Variants in ASIP observed in about 807,000 individuals in gnomAD.
The protein encoded by ASIP is agouti signaling protein.
ASIP carries 11 observed loss-of-function variants against 10.3 expected under a neutral mutation model. The observed-to-expected ratio is 1.07, with a 90% CI of 0.68 to 1.78. The LOEUF (loss-of-function observed/expected upper bound fraction) is 1.78, where lower values mean the gene tolerates loss of function less well. Among genes scored for constraint, ASIP ranks in the 40% most tolerant of loss-of-function variants. ASIP has a pLI of 0.00. For missense variants in ASIP, 180 were observed against 169.2 expected, an observed-to-expected ratio of 1.06 and a Z score of -0.35; for synonymous variants, 70 against 70.8, an observed-to-expected ratio of 0.99 and a Z score of 0.06.
At chr20:34,256,394 G>T (rs1041031708) in intron 1 of ASIP, among the ~76,000 whole-genome samples, 1 of 152,052 alleles carries the variant, frequency 6.6e-6, no homozygotes, top group Non-Finnish European at 1.5e-5. Context: ...TTATTTCTAC[G>T]ATCTCTCGTC....
chr20:34,232,156 A>G (rs1477165425), intron 1 of ASIP, among the ~76,000 whole-genome samples: 1 of 152,220 alleles, frequency 6.6e-6, no homozygotes, highest in Non-Finnish European at 1.5e-5. Flanking sequence ...CCCACATTTT[A>G]TAGAAAGCAG....
chr20:34,235,862 AAGGAAAGG>A (rs879719456), intron 1 of ASIP, among the ~76,000 whole-genome samples: 8,245 of 54,186 alleles, frequency 0.15, 1,129 homozygotes, highest in African/African-American at 0.21. Context: ...GGAAGGAAGG[AAGGAAAGG>A]AAGGAAGGAA....
intron 1 of ASIP, among the ~76,000 whole-genome samples, chr20:34,232,894 A>G (rs2035131514): frequency 6.6e-6 from 1 of 152,190 alleles, no homozygotes; most frequent in South Asian, 2.1e-4. Context: ...CAAACAAACC[A>G]TGTAACTATT....
At position 34,241,455 on chromosome 20, in the gene ASIP, A is replaced by T. The variant is rs1220432009; in HGVS notation, c.-45A>T. ...CTCTACAGCTGCAAGGTGAAAAAGG[A>T]AGTTCCTTGGCCTGGGCTCTTTGCG... On this transcript the variant is annotated 5_prime_UTR_variant, in exon 1 of 4. Coordinates refer to ENST00000374954, the MANE Select transcript of ASIP (RefSeq NM_001672.3). 2.0e-6 allele frequency: 2 copies of T among 985,346 alleles called. No homozygotes were observed. Among genetic ancestry groups the T allele is most frequent in the Non-Finnish European group, 2.4e-6 (2 of 829,944 alleles). The allele number at this position is 985,346 out of a possible 1,614,324, so 61.0% of individuals were successfully genotyped here.
At chr20:34,266,298 C>A (rs190829875) in intron 3 of ASIP, among the ~76,000 whole-genome samples, 2 of 150,240 alleles carry the variant, frequency 1.3e-5, no homozygotes, top group Middle Eastern at 3.7e-3. Flanking sequence ...TACAGTGAGC[C>A]GAGACCGTGC....
At chr20:34,216,568 TGTAG>T (rs1286535280) in intron 1 of ASIP, among the ~76,000 whole-genome samples, 1 of 152,268 alleles carries the variant, frequency 6.6e-6, no homozygotes, top group East Asian at 1.9e-4. Context: ...TAGTTTTTAA[TGTAG>T]GTCTATGATC....
At chr20:34,263,332 A>C (rs2035727905) in intron 3 of ASIP, among the ~76,000 whole-genome samples, 2 of 152,366 alleles carry the variant, frequency 1.3e-5, no homozygotes, top group African/African-American at 4.8e-5. Flanking sequence ...TGGGAGGCCA[A>C]GGTGGGTGAA....
At chr20:34,245,915 C>G (rs2035367317) in intron 1 of ASIP, 2 of 1,480,346 alleles carry the variant, frequency 1.4e-6, no homozygotes, top group Non-Finnish European at 1.8e-6. Context: ...CATATCAACT[C>G]TCAGTTCAGG....
intron 1 of ASIP, among the ~76,000 whole-genome samples, chr20:34,252,458 A>G (rs2122635899): frequency 6.6e-6 from 1 of 152,314 alleles, no homozygotes; most frequent in Admixed American, 6.5e-5. Flanking sequence ...TTCTTTACCC[A>G]AACATCTCAG....
intron 1 of ASIP, among the ~76,000 whole-genome samples, chr20:34,232,895 T>C (rs935953895): frequency 6.6e-6 from 1 of 152,108 alleles, no homozygotes; most frequent in Non-Finnish European, 1.5e-5. Context: ...AAACAAACCA[T>C]GTAACTATTT....
chr20:34,240,327 G>A (rs2035267974), upstream of ASIP, among the ~76,000 whole-genome samples: 1 of 152,160 alleles, frequency 6.6e-6, no homozygotes, highest in Admixed American at 6.5e-5. Flanking sequence ...AGCAGGTGCT[G>A]TGCCCCAAGT....
At chr20:34,253,386 G>A (rs1341213630) in intron 1 of ASIP, among the ~76,000 whole-genome samples, 6 of 151,748 alleles carry the variant, frequency 4.0e-5, no homozygotes, top group Middle Eastern at 3.4e-3. Flanking sequence ...GATTACGGGC[G>A]TGAGCCACCG....
chr20:34,211,648 T>C (rs141689651), intron 1 of ASIP, among the ~76,000 whole-genome samples: 3 of 152,344 alleles, frequency 2.0e-5, no homozygotes, highest in African/African-American at 7.2e-5. Context: ...CACCTTCATT[T>C]ACGAAAAAAT....
Position 34,241,926 on chromosome 20 carries a change from T to G in ASIP, c.-11+437T>G, listed in dbSNP as rs568928174. Among the ~76,000 whole-genome samples the G allele has an allele frequency of 7.9e-5, 12 of 152,346 alleles. No homozygotes were observed. In the South Asian group the frequency reaches 2.3e-3, roughly 29 times the overall value. ...ACGTGTAGCATTTGTTCATTTCATA[T>G]TTATTAGAGATGAAACAGATGACCA... On this transcript the variant is annotated intron_variant, in intron 1 of 3. Transcript: ENST00000374954.
Position 34,269,040 on chromosome 20 carries a change from C to A in ASIP, c.272C>A (p.Ala91Glu). 6.2e-7 allele frequency: 1 copy of A among 1,606,268 alleles called. No individual in the cohort carries two copies. Among genetic ancestry groups the A allele is most frequent in the Non-Finnish European group, 8.5e-7 (1 of 1,177,202 alleles). ...GTGCGGCCCCGGACCCCCCTATCTG[C>A]GCCCTGCGTGGCCACCCGCAACAGC... ...KVVRPRTPLS[A>E]PCVATRNSCK... The change falls in exon 4 of 4, where the codon GCG becomes GAG. Residue 91 changes from alanine (A) to glutamate (E), a missense_variant. By Grantham distance (107) the Ala-to-Glu change is moderately radical. Transcript: ENST00000374954.
At chr20:34,241,885 T>G (rs1394525744) in intron 1 of ASIP, among the ~76,000 whole-genome samples, 1 of 152,232 alleles carries the variant, frequency 6.6e-6, no homozygotes, top group African/African-American at 2.4e-5. Flanking sequence ...AATTTAGGAT[T>G]TAGGGATCAG....
At chr20:34,199,767 C>A (rs748525439) in intron 1 of ASIP, among the ~76,000 whole-genome samples, 1 of 152,174 alleles carries the variant, frequency 6.6e-6, no homozygotes, top group Non-Finnish European at 1.5e-5. Context: ...TGGAGTCACA[C>A]TGGAGCTTCA....
At chr20:34,263,291 GC>G (rs2035726787) in intron 3 of ASIP, among the ~76,000 whole-genome samples, 1 of 152,202 alleles carries the variant, frequency 6.6e-6, no homozygotes, top group African/African-American at 2.4e-5. Context: ...TAGGCCGGAT[GC>G]GGTGGCTCAC....
At chr20:34,192,518 C>T (rs1231570686), upstream of ASIP, among the ~76,000 whole-genome samples, 2 of 129,476 alleles carry the variant, frequency 1.5e-5, no homozygotes, top group Non-Finnish European at 3.0e-5. Flanking sequence ...TTTTTTTCTT[C>T]TTCTTTTTTT....
Sources: allele counts gnomAD v4.1 joint callset (sites outside exome capture counted in the v4.1 genomes callset), GRCh38; gene constraint gnomAD v4.1.1; transcripts MANE v1.5; gene names NCBI Gene and HGNC (gene_info 2026-07-23, HGNC 2026-07-21).